TRPM3: variants seen among roughly 807,000 people sequenced by gnomAD.
TRPM3 encodes the protein transient receptor potential cation channel subfamily M member 3, also known as long transient receptor potential channel 3.
TRPM3 carries 77 observed loss-of-function variants against 181.2 expected under a neutral mutation model. The observed-to-expected ratio is 0.42, with a 90% CI of 0.35 to 0.51. The LOEUF (loss-of-function observed/expected upper bound fraction) is 0.51. TRPM3 is among the 20% of genes least tolerant of loss of function. The probability of loss-of-function intolerance (pLI) is 0.01; values close to 1 mark genes in which losing one functional copy is unlikely to be tolerated. For missense variants in TRPM3, 1,759 were observed against 2,196.7 expected, an observed-to-expected ratio of 0.80 and a Z score of 3.98; for synonymous variants, 745 against 796.4, an observed-to-expected ratio of 0.94 and a Z score of 1.09.
At chr9:70,871,679 G>T (rs550000841) in intron 1 of TRPM3, among the ~76,000 whole-genome samples, 1 of 151,962 alleles carries the variant, frequency 6.6e-6, no homozygotes, top group African/African-American at 2.4e-5. Flanking sequence ...TGTCCATATA[G>T]ATCTGCATAA....
chr9:70,783,163 T>C (rs1315784664), intron 7 of TRPM3, among the ~76,000 whole-genome samples: 1 of 152,190 alleles, frequency 6.6e-6, no homozygotes, highest in Non-Finnish European at 1.5e-5. Flanking sequence ...TGTACGTTTT[T>C]CTTTTTTACA....
chr9:70,639,237 T>C, intron 10 of TRPM3, 43 bp from the exon 11 acceptor site: 1 of 1,606,576 alleles, frequency 6.2e-7, no homozygotes, highest in Non-Finnish European at 8.5e-7. Flanking sequence ...AGGGTCTATC[T>C]ATGGATGCAG....
At chr9:70,660,877 C>T (rs1247665148) in intron 9 of TRPM3, among the ~76,000 whole-genome samples, 2 of 152,024 alleles carry the variant, frequency 1.3e-5, no homozygotes, top group Non-Finnish European at 2.9e-5. Flanking sequence ...TGGTACCAAT[C>T]CTACTGAAAC....
At chr9:71,033,855 C>T (rs1221934858) in intron 1 of TRPM3, among the ~76,000 whole-genome samples, 1 of 152,172 alleles carries the variant, frequency 6.6e-6, no homozygotes, top group Non-Finnish European at 1.5e-5. Context: ...TGGCCAGAAC[C>T]TGTCCCAGCA....
chr9:70,659,667 T>A (rs919164346), intron 9 of TRPM3, among the ~76,000 whole-genome samples: 1 of 152,158 alleles, frequency 6.6e-6, no homozygotes, highest in Admixed American at 6.5e-5. Flanking sequence ...TCTTGTCTAA[T>A]GTTTTTCAAT....
At chr9:70,668,172 C>T (rs942748364) in intron 9 of TRPM3, among the ~76,000 whole-genome samples, 1 of 152,134 alleles carries the variant, frequency 6.6e-6, no homozygotes, top group African/African-American at 2.4e-5. Flanking sequence ...GCCATCGATG[C>T]TCAGAATGCA....
chr9:71,358,001 A>G lies in TRPM3; in HGVS notation c.183+88652T>C, dbSNP rs576718940. On this transcript the variant is annotated intron_variant, in intron 1 of 24. Transcript: ENST00000357533. ...TAATGCAACAAGGGCCTTGGGGAGT[A>G]GGAAAAAGTGTAGAAATGAGTGAAC... Among the ~76,000 whole-genome samples the G allele has an allele frequency of 3.3e-5, 5 of 152,312 alleles. No homozygotes were observed. In the South Asian group the frequency reaches 1.0e-3, roughly 32 times the overall value.
intron 1 of TRPM3, among the ~76,000 whole-genome samples, chr9:71,236,908 G>T (rs1301444662): frequency 1.3e-5 from 2 of 151,980 alleles, no homozygotes; most frequent in Non-Finnish European, 2.9e-5. Flanking sequence ...TTAGCCAGTC[G>T]TGATGGTGGG....
chr9:70,944,032 C>G (rs2096910282), intron 1 of TRPM3, among the ~76,000 whole-genome samples: 1 of 152,198 alleles, frequency 6.6e-6, no homozygotes, highest in South Asian at 2.1e-4. Context: ...CGCCCCCCAC[C>G]TTGGCCTCCC....
chr9:70,852,403 C>T (rs1445769496), intron 3 of TRPM3, among the ~76,000 whole-genome samples: 1 of 152,070 alleles, frequency 6.6e-6, no homozygotes, highest in Non-Finnish European at 1.5e-5. Context: ...CTCCAGGGCC[C>T]TTTCTCTTTA....
chr9:70,552,821 C>T lies in TRPM3; in HGVS notation c.3574+23G>A, dbSNP rs761126558. 6.8e-6 allele frequency: 11 copies of T among 1,612,028 alleles called. No individual in the cohort carries two copies. The African/African-American group carries it at 1.2e-4, about 18-fold the overall frequency. On this transcript the variant is annotated intron_variant, in intron 24 of 25. Coordinates refer to ENST00000677713, the MANE Select transcript of TRPM3 (RefSeq NM_001366145.2). ...GGTAGGGATTTCTGATTTGTGGCAG[C>T]TCGGCTGTCGCTTGAAGCTTACTCA... is the stretch of plus-strand genomic sequence containing the variant.
chr9:70,808,907 G>T (rs12002192), intron 6 of TRPM3, among the ~76,000 whole-genome samples: 46,605 of 152,042 alleles, frequency 0.31, 8,542 homozygotes, highest in African/African-American at 0.51. Flanking sequence ...ATACAGTCAT[G>T]TGTTGCATAA....
At chr9:71,094,510 G>T (rs1333134256) in intron 1 of TRPM3, among the ~76,000 whole-genome samples, 7 of 152,068 alleles carry the variant, frequency 4.6e-5, no homozygotes, top group African/African-American at 7.2e-5. Context: ...TTCTGTTTTA[G>T]AGAATCCCTG....
At chr9:71,104,761 A>G (rs1367604894) in intron 1 of TRPM3, among the ~76,000 whole-genome samples, 1 of 152,208 alleles carries the variant, frequency 6.6e-6, no homozygotes, top group Non-Finnish European at 1.5e-5. Flanking sequence ...ATTACTCATT[A>G]GGGAAATGTG....
chr9:71,039,924 A>G (rs2058639843), intron 1 of TRPM3, among the ~76,000 whole-genome samples: 2 of 152,220 alleles, frequency 1.3e-5, no homozygotes, highest in Non-Finnish European at 2.9e-5. Flanking sequence ...ACATTTTATA[A>G]TATGGGTTCA....
At chr9:71,262,540 G>A (rs1195761643) in intron 1 of TRPM3, among the ~76,000 whole-genome samples, 1 of 152,106 alleles carries the variant, frequency 6.6e-6, no homozygotes, top group Non-Finnish European at 1.5e-5. Context: ...TATCTCACTG[G>A]TATTCCAGGT....
At chr9:71,444,795 T>C (rs1318292968) in intron 1 of TRPM3, among the ~76,000 whole-genome samples, 2 of 152,242 alleles carry the variant, frequency 1.3e-5, no homozygotes, top group African/African-American at 2.4e-5. Flanking sequence ...ACCACCATCT[T>C]AGCTCTAAGA....
chr9:71,072,185 C>T (rs955939758), intron 1 of TRPM3, among the ~76,000 whole-genome samples: 2 of 152,062 alleles, frequency 1.3e-5, no homozygotes, highest in East Asian at 1.9e-4. Context: ...TATGGAACAC[C>T]TTCATTGATG....
intron 9 of TRPM3, among the ~76,000 whole-genome samples, chr9:70,645,698 A>C (rs1204540318): frequency 6.6e-6 from 1 of 152,088 alleles, no homozygotes; most frequent in Non-Finnish European, 1.5e-5. Context: ...CAAAAGCCAA[A>C]ATTGATAAAT....
Sources: allele counts gnomAD v4.1 joint callset (sites outside exome capture counted in the v4.1 genomes callset), GRCh38; gene constraint gnomAD v4.1.1; transcripts MANE v1.5; gene names NCBI Gene and HGNC (gene_info 2026-07-23, HGNC 2026-07-21).